Variants in NT5C2 observed in about 807,000 individuals in gnomAD.
NT5C2 encodes 5'-nucleotidase, cytosolic II, also known as cytosolic purine 5'-nucleotidase.
In NT5C2, 58 loss-of-function variants were observed where a neutral mutation model predicts 76.1. The ratio of observed to expected loss-of-function variants is 0.76; its 90% CI spans 0.62 to 0.95. The LOEUF (loss-of-function observed/expected upper bound fraction) is 0.95, where lower values mean the gene tolerates loss of function less well. Among genes scored for constraint, NT5C2 ranks in the 40% least tolerant of loss-of-function variants. The pLI, the probability that NT5C2 is intolerant of heterozygous loss-of-function variation, is 0.00. For synonymous variants in NT5C2, 229 were observed against 237.4 expected (o/e 0.96, Z 0.32); for missense variants, 478 against 690.3 (o/e 0.69, Z 3.45).
intron 1 of NT5C2, among the ~76,000 whole-genome samples, chr10:103,189,012 A>G (rs1434024499): frequency 6.7e-6 from 1 of 150,370 alleles, no homozygotes; most frequent in Admixed American, 6.6e-5. Context: ...GGAAAAAAAA[A>G]AAGAGTGTGG....
intron 2 of NT5C2, among the ~76,000 whole-genome samples, chr10:103,176,904 T>C (rs2090082356): frequency 6.6e-6 from 1 of 152,120 alleles, no homozygotes; most frequent in Non-Finnish European, 1.5e-5. Flanking sequence ...GCATTAGGCT[T>C]TGGGGTTGGG....
chr10:103,183,334 CTTTT>C (rs377139530), intron 1 of NT5C2, among the ~76,000 whole-genome samples: 6 of 88,452 alleles, frequency 6.8e-5, no homozygotes, highest in Non-Finnish European at 1.3e-4. Context: ...AAATTATTAG[CTTTT>C]TTTTTTTTTT....
chr10:103,100,669 TG>T (rs1357126666), intron 8 of NT5C2: 2 of 478,014 alleles, frequency 4.2e-6, no homozygotes, highest in Admixed American at 4.6e-5. Flanking sequence ...TTACCATCCC[TG>T]AATGGCTCCT....
At chr10:103,104,684 C>A (rs1451122988) in intron 6 of NT5C2, among the ~76,000 whole-genome samples, 1 of 152,130 alleles carries the variant, frequency 6.6e-6, no homozygotes, top group African/African-American at 2.4e-5. Flanking sequence ...TGTGTAATGT[C>A]AGTAATGCCA....
chr10:103,158,487 A>C (rs1261734154), intron 3 of NT5C2, among the ~76,000 whole-genome samples: 1 of 152,070 alleles, frequency 6.6e-6, no homozygotes, highest in African/African-American at 2.4e-5. Flanking sequence ...AGCTAGACTG[A>C]CCCAAAAAAA....
intron 18 of NT5C2, 120 bp from the exon 19 acceptor site, chr10:103,090,028 C>T (rs2066301559): frequency 1.4e-6 from 1 of 694,686 alleles, no homozygotes; most frequent in Non-Finnish European, 2.3e-6. Context: ...GACCACAGGA[C>T]AAGTCAATAT....
chr10:103,123,921 T>C (rs2076191104), intron 4 of NT5C2, among the ~76,000 whole-genome samples: 1 of 152,230 alleles, frequency 6.6e-6, no homozygotes, highest in Admixed American at 6.5e-5. Context: ...TATAGTTTCA[T>C]AATCCTAAAC....
intron 2 of NT5C2, among the ~76,000 whole-genome samples, chr10:103,176,990 T>G (rs570839069): frequency 1.1e-4 from 16 of 152,238 alleles, no homozygotes; most frequent in African/African-American, 3.1e-4. Context: ...AACCTCAGAT[T>G]TGTACTTTTT....
In NT5C2 at chr10:103,140,998, G is replaced by A. The variant is rs545682841; in HGVS notation, c.102-1519C>T. On this transcript the variant is annotated intron_variant, in intron 3 of 18. Transcript: ENST00000404739. The stretch of plus-strand genomic sequence containing the variant: ...TGCCTTTTTGTTTCTCCTTTGCTGC[G>A]CAGAAGCTTTTTAGTTTGAGGTAGT... 2.5e-3 allele frequency among the ~76,000 whole-genome samples: 378 copies of A among 152,126 alleles called. 2 individuals carry two copies. The highest frequency in any genetic ancestry group is 8.8e-3 in the African/African-American group (366 of 41,506).
At chr10:103,191,699 C>T (rs1264740844) in intron 1 of NT5C2, among the ~76,000 whole-genome samples, 1 of 142,096 alleles carries the variant, frequency 7.0e-6, no homozygotes, top group African/African-American at 2.6e-5. Flanking sequence ...TGCATAACAT[C>T]TCCTTCAGAA....
intron 4 of NT5C2, among the ~76,000 whole-genome samples, chr10:103,117,190 GCTGT>G (rs1405684219): frequency 6.6e-6 from 1 of 152,116 alleles, no homozygotes; most frequent in African/African-American, 2.4e-5. Context: ...TCCAAAATAA[GCTGT>G]CTCTCTCTAA....
intron 3 of NT5C2, among the ~76,000 whole-genome samples, chr10:103,148,047 C>T (rs1314482352): frequency 1.3e-5 from 2 of 152,056 alleles, no homozygotes; most frequent in African/African-American, 2.4e-5. Flanking sequence ...TGTCTCCATC[C>T]TCCGTAAAAA....
rs186849619 is a variant in NT5C2 at position 103,171,419 on chromosome 10, G to C, written c.101+3439C>G. On this transcript the variant is annotated intron_variant, in intron 3 of 18. Transcript: ENST00000404739. ...ATAAACCAGTTTAGCCACTTTTCCA[G>C]TAAGATTTCAAAGTAATATTCATTT... is the stretch of plus-strand genomic sequence containing the variant. 5.7e-4 allele frequency among the ~76,000 whole-genome samples: 87 copies of C among 152,270 alleles called. 1 individual carries two copies. Among genetic ancestry groups the C allele is most frequent in the Non-Finnish European group, 1.2e-3 (80 of 68,020 alleles).
intron 4 of NT5C2, 40 bp from the exon 5 acceptor site, chr10:103,106,746 C>T: frequency 8.5e-6 from 10 of 1,176,744 alleles, no homozygotes; most frequent in Non-Finnish European, 1.3e-5. Context: ...GCAGAAAGAA[C>T]AGCCAATTAA....
At chr10:103,122,728 G>A (rs1271516579) in intron 4 of NT5C2, among the ~76,000 whole-genome samples, 2 of 152,146 alleles carry the variant, frequency 1.3e-5, no homozygotes, top group Admixed American at 6.5e-5. Flanking sequence ...CATTTGAGAG[G>A]TGTCATCCTT....
chr10:103,173,766 A>AC (rs1273811896), intron 3 of NT5C2, among the ~76,000 whole-genome samples: 1 of 151,444 alleles, frequency 6.6e-6, no homozygotes, highest in East Asian at 1.9e-4. Context: ...CACTACTAAA[A>AC]AAAAAAAAAT....
At chr10:103,190,146 A>C (rs2061757222) in intron 1 of NT5C2, among the ~76,000 whole-genome samples, 1 of 149,946 alleles carries the variant, frequency 6.7e-6, no homozygotes, top group Non-Finnish European at 1.5e-5. Context: ...GATTACAGGC[A>C]TGCGCTACCA....
At chr10:103,105,449 G>T in intron 6 of NT5C2, 2 of 657,048 alleles carry the variant, frequency 3.0e-6, no homozygotes, top group Non-Finnish European at 4.6e-6. Flanking sequence ...AAGTTCTTCT[G>T]GGCAAGTTTT....
intron 4 of NT5C2, among the ~76,000 whole-genome samples, chr10:103,109,558 T>C (rs1210449422): frequency 6.6e-6 from 1 of 152,214 alleles, no homozygotes; most frequent in African/African-American, 2.4e-5. Context: ...GTAATTTGGG[T>C]AATCTACTGA....
Sources: gnomAD v4.1 joint callset for allele counts (sites outside exome capture counted in the v4.1 genomes callset) on GRCh38, gnomAD v4.1.1 for gene constraint, MANE v1.5 for transcripts, NCBI Gene and HGNC (gene_info 2026-07-23, HGNC 2026-07-21) for gene names.